TAF4: variants seen among roughly 807,000 people sequenced by gnomAD.
TAF4 encodes the protein transcription initiation factor TFIID subunit 4.
Under a neutral mutation model 90.3 loss-of-function variants are expected in TAF4, and 9 were observed. The observed-to-expected ratio is 0.10, with a 90% CI of 0.06 to 0.17. The LOEUF (loss-of-function observed/expected upper bound fraction) is 0.17. Ranked by LOEUF, TAF4 falls within the 10% of genes least tolerant of loss-of-function variation. The pLI, the probability that TAF4 is intolerant of heterozygous loss-of-function variation, is 1.00. For missense variants in TAF4, 1,351 were observed against 1,370.7 expected, an observed-to-expected ratio of 0.99 and a Z score of 0.23; for synonymous variants, 818 against 638.9, an observed-to-expected ratio of 1.28 and a Z score of -4.23.
At chr20:62,022,001 G>A (rs1190087432) in intron 1 of TAF4, among the ~76,000 whole-genome samples, 1 of 152,156 alleles carries the variant, frequency 6.6e-6, no homozygotes, top group Non-Finnish European at 1.5e-5. Flanking sequence ...GCGGCGGACA[G>A]CATCAGAGGC....
chr20:62,036,518 G>A (rs1343406929), intron 1 of TAF4, among the ~76,000 whole-genome samples: 4 of 152,166 alleles, frequency 2.6e-5, no homozygotes, highest in Admixed American at 6.5e-5. Context: ...GCAAGGAAAT[G>A]ACAGGCCAGT....
chr20:62,035,211 G>T (rs541736336), intron 1 of TAF4, among the ~76,000 whole-genome samples: 1 of 152,178 alleles, frequency 6.6e-6, no homozygotes, highest in Non-Finnish European at 1.5e-5. Flanking sequence ...CCGAAGAGTT[G>T]ATTCTAAAAT....
chr20:62,041,354 C>G (rs2055962796), intron 1 of TAF4, among the ~76,000 whole-genome samples: 1 of 152,204 alleles, frequency 6.6e-6, no homozygotes, highest in Non-Finnish European at 1.5e-5. Context: ...CTGTCAGCCT[C>G]CACGTACAGC....
intron 1 of TAF4, among the ~76,000 whole-genome samples, chr20:62,042,563 G>A (rs969932292): frequency 6.6e-6 from 1 of 152,188 alleles, no homozygotes; most frequent in African/African-American, 2.4e-5. Context: ...TGTGGGGCGG[G>A]AGCCCAAAAG....
chr20:62,049,273 T>A (rs1178136584), intron 1 of TAF4, among the ~76,000 whole-genome samples: 1 of 151,998 alleles, frequency 6.6e-6, no homozygotes, highest in Non-Finnish European at 1.5e-5. Context: ...TCTGTGCGAG[T>A]GTCTGTGACC....
chr20:61,976,441 C>T, intron 14 of TAF4, 106 bp from the exon 15 acceptor site: 4 of 1,357,384 alleles, frequency 2.9e-6, no homozygotes, highest in African/African-American at 1.4e-5. Flanking sequence ...GGAGGCCAGG[C>T]CTGGCACGGG....
Position 62,000,152 on chromosome 20 carries a change from G to T in TAF4, c.2759C>A (p.Thr920Lys), listed in dbSNP as rs199627756. The change falls in exon 11 of 15, where the codon ACA becomes AAA. Residue 920 changes from threonine (T) to lysine (K), a missense_variant. Transcript: ENST00000252996. The stretch of plus-strand genomic sequence containing the variant: ...GTAAGAAAAGTTCTTCTGCTGAGCT[G>T]TTTCTGATATTTTCTCTACAAGATT... ...LQNLVEKISE[T>K]AQQKNFSYKD... 1 of 1,614,180 alleles carries T rather than the reference G, an allele frequency of 6.2e-7. No individual in the cohort carries two copies. Among genetic ancestry groups the T allele is most frequent in the Non-Finnish European group, 8.5e-7 (1 of 1,180,030 alleles).
At chr20:62,056,287 C>T (rs759887381) in intron 1 of TAF4, among the ~76,000 whole-genome samples, 9 of 152,018 alleles carry the variant, frequency 5.9e-5, no homozygotes, top group African/African-American at 1.2e-4. Flanking sequence ...GCACAGTTGG[C>T]GAGAATAAAT....
intron 1 of TAF4, among the ~76,000 whole-genome samples, chr20:62,055,668 G>A (rs1048835033): frequency 1.3e-5 from 2 of 152,178 alleles, no homozygotes; most frequent in African/African-American, 4.8e-5. Flanking sequence ...CTCTTTCCTT[G>A]GCCTGGATAC....
chr20:62,063,219 G>A lies in TAF4; in HGVS notation c.1360+1232C>T, dbSNP rs1250428030. The stretch of plus-strand genomic sequence containing the variant: ...CCCACCCCTGCCCTGTCCAGAGTCT[G>A]ACCACCAGCCCCGAACCTCACATAC... On this transcript the variant is annotated intron_variant, in intron 1 of 14. Coordinates refer to ENST00000252996, the MANE Select transcript of TAF4 (RefSeq NM_003185.4). Among the ~76,000 whole-genome samples the A allele has an allele frequency of 2.0e-5, 3 of 152,136 alleles. 1 individual carries two copies. In the South Asian group the frequency reaches 6.2e-4, roughly 32 times the overall value.
chr20:62,008,362 G>A (rs1428329992), intron 5 of TAF4, among the ~76,000 whole-genome samples: 2 of 152,220 alleles, frequency 1.3e-5, no homozygotes, highest in Admixed American at 6.5e-5. Context: ...ACTGACGCCA[G>A]CACAGCCCTG....
intron 14 of TAF4, among the ~76,000 whole-genome samples, chr20:61,996,147 A>AG (rs2055661354): frequency 6.6e-6 from 1 of 152,242 alleles, no homozygotes; most frequent in Non-Finnish European, 1.5e-5. Flanking sequence ...TACCACGTAC[A>AG]GGGAACAAGC....
intron 1 of TAF4, among the ~76,000 whole-genome samples, chr20:62,052,848 C>CAGG (rs2056037738): frequency 6.7e-6 from 1 of 150,336 alleles, no homozygotes; most frequent in Non-Finnish European, 1.5e-5. Flanking sequence ...CCCCATATCC[C>CAGG]AGGTCCCTCA....
chr20:61,978,062 C>CGA (rs2055507549), intron 14 of TAF4, among the ~76,000 whole-genome samples: 15 of 129,866 alleles, frequency 1.2e-4, no homozygotes, highest in East Asian at 2.5e-4. Context: ...AGGGAGGGCG[C>CGA]GACACCAACC....
intron 1 of TAF4, among the ~76,000 whole-genome samples, chr20:62,051,025 G>A (rs2056024166): frequency 6.6e-6 from 1 of 152,218 alleles, no homozygotes; most frequent in African/African-American, 2.4e-5. Flanking sequence ...AGCATCTGAA[G>A]TCAACAGCAC....
intron 1 of TAF4, among the ~76,000 whole-genome samples, chr20:62,031,763 A>C (rs1405272419): frequency 6.6e-6 from 1 of 152,082 alleles, no homozygotes; most frequent in African/African-American, 2.4e-5. Flanking sequence ...TCAACAAATA[A>C]AATAATCAAC....
intron 1 of TAF4, among the ~76,000 whole-genome samples, chr20:62,036,627 G>A (rs1003835127): frequency 6.6e-6 from 1 of 152,112 alleles, no homozygotes; most frequent in African/African-American, 2.4e-5. Flanking sequence ...CTAGGAACTC[G>A]CCAGGGTTTA....
chr20:61,985,534 G>A (rs182054000), intron 14 of TAF4, among the ~76,000 whole-genome samples: 33 of 152,026 alleles, frequency 2.2e-4, no homozygotes, highest in African/African-American at 5.6e-4. Context: ...TAAAAGGGCC[G>A]CACAGAAATG....
chr20:62,007,516 T>G (rs780525830), intron 6 of TAF4, 31 bp downstream of exon 6: 20 of 1,607,454 alleles, frequency 1.2e-5, no homozygotes, highest in African/African-American at 2.7e-5. Flanking sequence ...CTGGCCCTAC[T>G]GCTCGCAGGC....
Sources: gnomAD v4.1 joint callset for allele counts (sites outside exome capture counted in the v4.1 genomes callset) on GRCh38, gnomAD v4.1.1 for gene constraint, MANE v1.5 for transcripts, NCBI Gene and HGNC (gene_info 2026-07-23, HGNC 2026-07-21) for gene names.